The following C1GALT1 variants were observed in gnomAD, a reference collection of about 807,000 sequenced individuals.
C1GALT1 encodes glycoprotein-N-acetylgalactosamine 3-beta-galactosyltransferase 1.
C1GALT1 carries 11 observed loss-of-function variants against 31.0 expected under a neutral mutation model. The observed-to-expected ratio is 0.36, with a 90% CI of 0.22 to 0.59. The LOEUF (loss-of-function observed/expected upper bound fraction) is 0.59, where lower values mean the gene tolerates loss of function less well. C1GALT1 is among the 20% of genes least tolerant of loss of function. The pLI is 0.79. For synonymous variants in C1GALT1, 175 were observed against 143.6 expected, an observed-to-expected ratio of 1.22 and a Z score of -1.56; for missense variants, 424 against 425.2, an observed-to-expected ratio of 1.00 and a Z score of 0.03.
chr7:7,185,672 G>A (rs538726444), intron 1 of C1GALT1, among the ~76,000 whole-genome samples: 1 of 152,130 alleles, frequency 6.6e-6, no homozygotes, highest in Admixed American at 6.5e-5. Context: ...GATACTAGTC[G>A]TATTGGATTA....
chr7:7,241,332 T>C (rs187864257), intron 3 of C1GALT1, among the ~76,000 whole-genome samples: 3 of 152,008 alleles, frequency 2.0e-5, no homozygotes, highest in Non-Finnish European at 2.9e-5. Context: ...ACCTTACTTA[T>C]AGTAGGATCT....
At chr7:7,176,843 T>C (rs1302416759) in intron 2 of C1GALT1, among the ~76,000 whole-genome samples, 2 of 152,214 alleles carry the variant, frequency 1.3e-5, no homozygotes, top group Admixed American at 1.3e-4. Flanking sequence ...TCTTAGGTTA[T>C]ACAGGGTGGC....
intron 1 of C1GALT1, among the ~76,000 whole-genome samples, chr7:7,208,266 A>G (rs1477884871): frequency 6.6e-6 from 1 of 152,182 alleles, no homozygotes; most frequent in African/African-American, 2.4e-5. Context: ...ACCCTAGGGC[A>G]CAAGAATAGT....
At chr7:7,170,750 C>G (rs891446728) in intron 2 of C1GALT1, among the ~76,000 whole-genome samples, 5 of 152,176 alleles carry the variant, frequency 3.3e-5, no homozygotes, top group African/African-American at 1.2e-4. Flanking sequence ...CCACTGCACT[C>G]CAGCCTGGGT....
At chr7:7,196,878 G>T (rs1215313107) in intron 1 of C1GALT1, among the ~76,000 whole-genome samples, 1 of 152,116 alleles carries the variant, frequency 6.6e-6, no homozygotes. Context: ...AGAAGTACCT[G>T]TTCATATCCT....
intron 1 of C1GALT1, among the ~76,000 whole-genome samples, chr7:7,213,198 A>T (rs151257193): frequency 3.7e-4 from 56 of 152,332 alleles, no homozygotes; most frequent in African/African-American, 1.3e-3. Context: ...AAAAACCTGC[A>T]GTTAAAGTCC....
chr7:7,162,960 GTTGT>G (rs1780353001), intron 2 of C1GALT1, among the ~76,000 whole-genome samples: 2 of 152,116 alleles, frequency 1.3e-5, no homozygotes, highest in South Asian at 4.1e-4. Context: ...TTTTGATGGG[GTTGT>G]TTGTTTTTTC....
At chr7:7,203,485 G>A (rs1158673322) in intron 1 of C1GALT1, among the ~76,000 whole-genome samples, 1 of 152,060 alleles carries the variant, frequency 6.6e-6, no homozygotes, top group Admixed American at 6.5e-5. Flanking sequence ...TTCTGTTAAT[G>A]AGGTGTATTG....
In C1GALT1 at chr7:7,245,814, G is replaced by C. The variant is rs536635959; in HGVS notation, c.*2087G>C. The C allele has an allele frequency of 3.9e-5, 6 of 152,310 alleles. No homozygotes were observed. The South Asian group carries it at 1.0e-3, about 26-fold the overall frequency. 9.4% of individuals were successfully genotyped at this position (152,310 alleles called of 1,614,324 possible). A position where few individuals can be genotyped will look rare whatever the true frequency, so the allele number is the denominator to read the frequency against. ...TGATGAATCCTGGGCTCTAGAGTCA[G>C]ACTTGCTTGGGTTTAAATTCTTGCT... On this transcript the variant is annotated 3_prime_UTR_variant, in exon 4 of 4. Coordinates refer to ENST00000436587, the MANE Select transcript of C1GALT1 (RefSeq NM_020156.5).
chr7:7,183,149 G>T (rs1780659152), intron 1 of C1GALT1, among the ~76,000 whole-genome samples: 1 of 151,994 alleles, frequency 6.6e-6, no homozygotes, highest in Non-Finnish European at 1.5e-5. Context: ...CTGCCTGGCG[G>T]CGCGGCGGGG....
chr7:7,199,469 G>T (rs941049058), intron 1 of C1GALT1, among the ~76,000 whole-genome samples: 1 of 152,118 alleles, frequency 6.6e-6, no homozygotes, highest in African/African-American at 2.4e-5. Flanking sequence ...TATGTGGTAA[G>T]TTTTGGAATA....
At chr7:7,207,311 C>A (rs568133854) in intron 1 of C1GALT1, among the ~76,000 whole-genome samples, 70 of 102,312 alleles carry the variant, frequency 6.8e-4, no homozygotes, top group Non-Finnish European at 1.3e-3. Context: ...GGTTTTCATT[C>A]TCTGTGTTTC....
intron 1 of C1GALT1, among the ~76,000 whole-genome samples, chr7:7,200,491 G>A (rs755351363): frequency 2.0e-5 from 3 of 151,884 alleles, no homozygotes; most frequent in East Asian, 3.9e-4. Flanking sequence ...TGCTCTTCTC[G>A]AAGAGTATCT....
chr7:7,163,333 T>C (rs542383080), intron 2 of C1GALT1, among the ~76,000 whole-genome samples: 5 of 152,254 alleles, frequency 3.3e-5, no homozygotes, highest in South Asian at 2.1e-4. Context: ...ATAAGAGCTA[T>C]CTATGACAAA....
chr7:7,158,459 G>T (rs543560833), intron 2 of C1GALT1, among the ~76,000 whole-genome samples: 1 of 152,030 alleles, frequency 6.6e-6, no homozygotes, highest in East Asian at 1.9e-4. Context: ...CGAGTCAGCT[G>T]TTTGATCTCT....
chr7:7,220,694 G>A (rs1782470694), intron 1 of C1GALT1, among the ~76,000 whole-genome samples: 1 of 150,932 alleles, frequency 6.6e-6, no homozygotes, highest in Non-Finnish European at 1.5e-5. Flanking sequence ...GCTGATTTTT[G>A]TATTTTTAGT....
intron 1 of C1GALT1, among the ~76,000 whole-genome samples, chr7:7,194,133 G>A (rs1357195135): frequency 6.6e-6 from 1 of 152,014 alleles, no homozygotes; most frequent in Non-Finnish European, 1.5e-5. Flanking sequence ...GCAACAGTTC[G>A]ACTTCCTCTT....
At chr7:7,208,197 TAAGGTTCAATAAAGTTAAAATA>T (rs574431366) in intron 1 of C1GALT1, among the ~76,000 whole-genome samples, 248 of 152,294 alleles carry the variant, frequency 1.6e-3, no homozygotes, top group African/African-American at 5.7e-3. Context: ...TCAATAAAGT[TAAGGTTCAATAAAGTTAAAATA>T]AAGGTTCAAT....
In C1GALT1 at chr7:7,246,501, A is replaced by C. The variant is rs531420374; in HGVS notation, c.*2774A>C. ...TGAAGACCCCAATCTCAGAAATTCA[A>C]ATTTAAGCATGGGGCCCAAGAGTAT... On this transcript the variant is annotated 3_prime_UTR_variant, in exon 4 of 4. Transcript: ENST00000436587. 1 of 152,132 alleles carries C rather than the reference A, an allele frequency of 6.6e-6. No homozygotes were observed. Among genetic ancestry groups the C allele is most frequent in the Non-Finnish European group, 1.5e-5 (1 of 68,012 alleles). The allele number at this position is 152,132 out of a possible 1,614,324, so 9.4% of individuals were successfully genotyped here. A position where few individuals can be genotyped will look rare whatever the true frequency, so the allele number is the denominator to read the frequency against.
Sources: allele counts gnomAD v4.1 joint callset (sites outside exome capture counted in the v4.1 genomes callset), GRCh38; gene constraint gnomAD v4.1.1; transcripts MANE v1.5; gene names NCBI Gene and HGNC (gene_info 2026-07-23, HGNC 2026-07-21).